The following PLXDC2 variants were observed in gnomAD, a reference collection of about 807,000 sequenced individuals.
PLXDC2 encodes the protein plexin domain containing 2, also known as plexin domain-containing protein 2.
A neutral mutation model predicts 68.9 loss-of-function variants in PLXDC2; 40 were observed. The ratio of observed to expected loss-of-function variants is 0.58; its 90% CI spans 0.45 to 0.76. The LOEUF (loss-of-function observed/expected upper bound fraction) is 0.76. PLXDC2 is among the 30% of genes least tolerant of loss of function. PLXDC2 has a pLI of 0.00. For synonymous variants in PLXDC2, 243 were observed against 234.2 expected, an observed-to-expected ratio of 1.04 and a Z score of -0.34; for missense variants, 644 against 661.9, an observed-to-expected ratio of 0.97 and a Z score of 0.30.
chr10:20,189,005 T>A (rs954364282), intron 9 of PLXDC2, among the ~76,000 whole-genome samples: 8 of 122,006 alleles, frequency 6.6e-5, no homozygotes, highest in Non-Finnish European at 1.4e-4. Context: ...CCTTTTATAA[T>A]CAGTTTTTTT....
chr10:19,926,433 A>C (rs888548063), intron 1 of PLXDC2, among the ~76,000 whole-genome samples: 14 of 152,304 alleles, frequency 9.2e-5, no homozygotes, highest in African/African-American at 1.7e-4. Context: ...GGAGTAGAAG[A>C]GAAAGGGCTG....
intron 1 of PLXDC2, among the ~76,000 whole-genome samples, chr10:19,890,397 C>T (rs11011659): frequency 6.6e-6 from 1 of 152,150 alleles, no homozygotes; most frequent in Non-Finnish European, 1.5e-5. Flanking sequence ...CCTTGCCCCT[C>T]TTCTTCCCTC....
chr10:20,051,118 A>G (rs1835891573), intron 3 of PLXDC2, among the ~76,000 whole-genome samples: 1 of 152,072 alleles, frequency 6.6e-6, no homozygotes, highest in African/African-American at 2.4e-5. Flanking sequence ...CATTATCCTT[A>G]GCAAACTAAC....
At chr10:20,261,537 A>G (rs1835808496) in intron 13 of PLXDC2, among the ~76,000 whole-genome samples, 1 of 152,180 alleles carries the variant, frequency 6.6e-6, no homozygotes, top group Non-Finnish European at 1.5e-5. Context: ...TGGACATGGA[A>G]TCTCATGCAA....
At chr10:20,267,108 A>T (rs1271481940) in intron 13 of PLXDC2, among the ~76,000 whole-genome samples, 1 of 152,202 alleles carries the variant, frequency 6.6e-6, no homozygotes. Context: ...CATTGATTTG[A>T]TGTGCTCAGA....
At chr10:20,042,106 G>A (rs904621127) in intron 2 of PLXDC2, among the ~76,000 whole-genome samples, 8 of 152,006 alleles carry the variant, frequency 5.3e-5, no homozygotes, top group South Asian at 2.1e-4. Context: ...TGTGTACCTC[G>A]GGGCTATTTC....
At chr10:20,145,855 C>T (rs947804010) in intron 5 of PLXDC2, among the ~76,000 whole-genome samples, 1 of 152,092 alleles carries the variant, frequency 6.6e-6, no homozygotes, top group African/African-American at 2.4e-5. Flanking sequence ...ACCTGGTCAA[C>T]AGTGTGGTTT....
intron 1 of PLXDC2, among the ~76,000 whole-genome samples, chr10:19,929,227 A>T (rs73603673): frequency 0.068 from 10,297 of 151,780 alleles, 1,132 homozygotes; most frequent in African/African-American, 0.23. Context: ...AAAGAAAAAA[A>T]AAATAAATAA....
intron 4 of PLXDC2, among the ~76,000 whole-genome samples, chr10:20,107,177 G>A (rs1396957530): frequency 6.6e-6 from 1 of 151,222 alleles, no homozygotes; most frequent in Non-Finnish European, 1.5e-5. Context: ...TCTTTACACT[G>A]TATCCTGCAT....
At position 20,220,759 on chromosome 10, in the gene PLXDC2, G is replaced by C. The variant is rs535913747; in HGVS notation, c.1312+1657G>C. On this transcript the variant is annotated intron_variant, in intron 12 of 13. Transcript: ENST00000377252. ...AGGCTTAGACAAATCTCTGCTTTGA[G>C]AGAACATGCATCCTGAGTAATCTTC... Among the ~76,000 whole-genome samples, 4 of 151,844 alleles carry C rather than the reference G, an allele frequency of 2.6e-5. No homozygotes were observed. The South Asian group carries it at 8.3e-4, about 32-fold the overall frequency.
chr10:19,962,284 A>C (rs1382254542), intron 1 of PLXDC2, among the ~76,000 whole-genome samples: 3 of 145,806 alleles, frequency 2.1e-5, no homozygotes, highest in Admixed American at 6.8e-5. Context: ...GTTTGAAACT[A>C]GGATTCTATC....
intron 2 of PLXDC2, among the ~76,000 whole-genome samples, chr10:20,038,838 G>C (rs1473051556): frequency 6.6e-6 from 1 of 152,090 alleles, no homozygotes; most frequent in African/African-American, 2.4e-5. Flanking sequence ...AATTGAAAAA[G>C]GTGGAGATTC....
At chr10:20,216,999 G>A (rs888077004) in intron 10 of PLXDC2, among the ~76,000 whole-genome samples, 3 of 152,184 alleles carry the variant, frequency 2.0e-5, no homozygotes, top group Admixed American at 6.5e-5. Flanking sequence ...TTCGGATTTA[G>A]CATTGTCAGT....
At chr10:20,029,882 C>T (rs1351554469) in intron 2 of PLXDC2, among the ~76,000 whole-genome samples, 1 of 152,132 alleles carries the variant, frequency 6.6e-6, no homozygotes, top group Non-Finnish European at 1.5e-5. Flanking sequence ...CTTATTTACC[C>T]TCCACATCAG....
intron 13 of PLXDC2, among the ~76,000 whole-genome samples, chr10:20,266,546 A>T (rs1428266967): frequency 1.3e-5 from 2 of 152,212 alleles, no homozygotes; most frequent in South Asian, 2.1e-4. Context: ...TATATTTAGG[A>T]TAACTGAAAA....
At chr10:20,198,247 T>C (rs1352642457) in intron 9 of PLXDC2, among the ~76,000 whole-genome samples, 1 of 152,130 alleles carries the variant, frequency 6.6e-6, no homozygotes, top group Admixed American at 6.6e-5. Flanking sequence ...TGGAAAGTAG[T>C]TTGTAGAAAG....
At chr10:20,039,340 C>T (rs532204782) in intron 2 of PLXDC2, among the ~76,000 whole-genome samples, 19 of 152,234 alleles carry the variant, frequency 1.2e-4, no homozygotes, top group South Asian at 4.1e-4. Flanking sequence ...GTTTATTTTA[C>T]GGCATTTCTT....
At chr10:20,002,789 G>A (rs1195160491) in intron 2 of PLXDC2, among the ~76,000 whole-genome samples, 2 of 152,136 alleles carry the variant, frequency 1.3e-5, no homozygotes, top group Non-Finnish European at 2.9e-5. Context: ...GGAAGAGGGA[G>A]GGGCATGCTA....
At chr10:20,073,577 A>T (rs1836380040) in intron 4 of PLXDC2, among the ~76,000 whole-genome samples, 1 of 152,192 alleles carries the variant, frequency 6.6e-6, no homozygotes, top group African/African-American at 2.4e-5. Flanking sequence ...AGCTTCAATC[A>T]TCCTTATGTA....
Sources: allele counts gnomAD v4.1 joint callset (sites outside exome capture counted in the v4.1 genomes callset), GRCh38; gene constraint gnomAD v4.1.1; transcripts MANE v1.5; gene names NCBI Gene and HGNC (gene_info 2026-07-23, HGNC 2026-07-21).